The following NRXN3 variants were observed in gnomAD, a reference collection of about 807,000 sequenced individuals.
NRXN3 encodes the protein neurexin III.
A neutral mutation model predicts 137.6 loss-of-function variants in NRXN3; 32 were observed. The ratio of observed to expected loss-of-function variants is 0.23; its 90% CI spans 0.18 to 0.31. The LOEUF is 0.31. Among genes scored for constraint, NRXN3 ranks in the 10% least tolerant of loss-of-function variants. NRXN3 has a pLI of 1.00. For missense variants in NRXN3, 1,574 were observed against 2,062.5 expected (o/e 0.76, Z 4.59); for synonymous variants, 798 against 784.5 (o/e 1.02, Z -0.29).
intron 4 of NRXN3, among the ~76,000 whole-genome samples, chr14:78,463,630 A>C (rs2094998255): frequency 1.4e-5 from 2 of 145,856 alleles, no homozygotes; most frequent in Admixed American, 7.0e-5. Flanking sequence ...TTATCAATTT[A>C]CTCTTACATA....
At chr14:78,422,827 G>A (rs561747736) in intron 4 of NRXN3, among the ~76,000 whole-genome samples, 47 of 152,142 alleles carry the variant, frequency 3.1e-4, no homozygotes, top group Non-Finnish European at 6.2e-4. Context: ...GCTATGAAAC[G>A]CCAGTGCATT....
chr14:79,120,225 T>G (rs13379304), intron 15 of NRXN3, among the ~76,000 whole-genome samples: 6,457 of 152,176 alleles, frequency 0.042, 505 homozygotes, highest in African/African-American at 0.15. Flanking sequence ...TAAAAAAAAA[T>G]TTAGATTCTT....
At chr14:78,649,460 A>G (rs1352781675) in intron 5 of NRXN3, among the ~76,000 whole-genome samples, 1 of 148,756 alleles carries the variant, frequency 6.7e-6, no homozygotes, top group Non-Finnish European at 1.5e-5. Context: ...TTTCTTAAAA[A>G]AAAAATGGAA....
intron 4 of NRXN3, among the ~76,000 whole-genome samples, chr14:78,349,674 A>G (rs2083219447): frequency 6.6e-6 from 1 of 152,194 alleles, no homozygotes; most frequent in South Asian, 2.1e-4. Flanking sequence ...AAGACAAAAG[A>G]TATGTCCCAT....
At chr14:79,765,979 AG>A (rs1399380375) in intron 19 of NRXN3, among the ~76,000 whole-genome samples, 5 of 152,236 alleles carry the variant, frequency 3.3e-5, no homozygotes, top group African/African-American at 1.2e-4. Context: ...TCCAGTATAA[AG>A]TAGAAAAAAA....
At chr14:79,662,008 G>A (rs1603381541) in intron 16 of NRXN3, among the ~76,000 whole-genome samples, 1 of 152,266 alleles carries the variant, frequency 6.6e-6, no homozygotes, top group South Asian at 2.1e-4. Context: ...GATAGTGAGT[G>A]AGTTCTCATG....
At chr14:78,582,343 G>C (rs2097009462) in intron 4 of NRXN3, among the ~76,000 whole-genome samples, 1 of 152,184 alleles carries the variant, frequency 6.6e-6, no homozygotes, top group South Asian at 2.1e-4. Context: ...AAGCAGCCAT[G>C]CTGATTCTTT....
chr14:78,191,351 G>A (rs1173936251), intron 1 of NRXN3, among the ~76,000 whole-genome samples: 3 of 152,066 alleles, frequency 2.0e-5, no homozygotes, highest in East Asian at 1.9e-4. Context: ...GGCTTCCCTC[G>A]GTATACCCCT....
At chr14:78,779,750 C>T (rs374291875) in intron 8 of NRXN3, among the ~76,000 whole-genome samples, 12 of 151,818 alleles carry the variant, frequency 7.9e-5, no homozygotes, top group East Asian at 5.8e-4. Context: ...TAAGAATAAT[C>T]GAATAAAAGA....
At chr14:78,348,742 G>A (rs1285369581) in intron 4 of NRXN3, among the ~76,000 whole-genome samples, 1 of 152,174 alleles carries the variant, frequency 6.6e-6, no homozygotes, top group Admixed American at 6.5e-5. Context: ...AACTCTGGGG[G>A]CGGAATCCAC....
chr14:78,923,824 A>C (rs1285232409), intron 10 of NRXN3, among the ~76,000 whole-genome samples: 1 of 152,216 alleles, frequency 6.6e-6, no homozygotes, highest in East Asian at 1.9e-4. Flanking sequence ...ATGCTACTAT[A>C]ATCTTCCAAC....
At chr14:79,323,839 CAG>C (rs2090445084) in intron 15 of NRXN3, among the ~76,000 whole-genome samples, 1 of 151,766 alleles carries the variant, frequency 6.6e-6, no homozygotes, top group Admixed American at 6.6e-5. Context: ...GCCTGGGCAA[CAG>C]AGTGAGACTT....
At chr14:79,163,432 A>T (rs2060990396) in intron 15 of NRXN3, among the ~76,000 whole-genome samples, 1 of 152,018 alleles carries the variant, frequency 6.6e-6, no homozygotes, top group Non-Finnish European at 1.5e-5. Context: ...CTCAAGAGAG[A>T]TAAACCATAA....
chr14:79,623,849 G>GGTTT (rs1555570746), intron 16 of NRXN3, among the ~76,000 whole-genome samples: 6 of 98,026 alleles, frequency 6.1e-5, no homozygotes, highest in African/African-American at 1.2e-4. Context: ...CTTAGCTCCT[G>GGTTT]TTTTTTTTTT....
intron 4 of NRXN3, among the ~76,000 whole-genome samples, chr14:78,350,434 A>G (rs939543049): frequency 2.0e-5 from 3 of 152,090 alleles, no homozygotes; most frequent in African/African-American, 7.2e-5. Flanking sequence ...CACCCCAACA[A>G]AAGCATGTAG....
intron 10 of NRXN3, among the ~76,000 whole-genome samples, chr14:78,900,806 T>C (rs565458519): frequency 9.9e-5 from 15 of 152,140 alleles, no homozygotes; most frequent in African/African-American, 2.6e-4. Context: ...CTGTAATAAA[T>C]TGATTGAACT....
intron 16 of NRXN3, among the ~76,000 whole-genome samples, chr14:79,482,981 C>T (rs972892848): frequency 2.0e-5 from 3 of 152,208 alleles, no homozygotes; most frequent in Non-Finnish European, 4.4e-5. Flanking sequence ...CCAAACACTG[C>T]AAAACACAGA....
chr14:79,641,591 G>A (rs528302618), intron 16 of NRXN3, among the ~76,000 whole-genome samples: 2 of 135,352 alleles, frequency 1.5e-5, no homozygotes, highest in African/African-American at 4.9e-5. Flanking sequence ...GGTCAGCTAG[G>A]ATTGGCTCCA....
At chr14:78,765,022 C>T (rs972207892) in intron 8 of NRXN3, among the ~76,000 whole-genome samples, 40 of 152,120 alleles carry the variant, frequency 2.6e-4, no homozygotes, top group African/African-American at 9.7e-4. Context: ...AATTATTTAA[C>T]CTGCAGCTGG....
Sources: allele counts gnomAD v4.1 joint callset (sites outside exome capture counted in the v4.1 genomes callset), GRCh38; gene constraint gnomAD v4.1.1; transcripts MANE v1.5; gene names NCBI Gene and HGNC (gene_info 2026-07-23, HGNC 2026-07-21).